The following NUDT2 variants were observed in gnomAD, a reference collection of about 807,000 sequenced individuals.
NUDT2 encodes bis(5'-nucleosyl)-tetraphosphatase [asymmetrical].
Under a neutral mutation model 14.2 loss-of-function variants are expected in NUDT2, and 12 were observed. That is an observed-to-expected ratio of 0.84 (90% CI 0.54 to 1.37). NUDT2 has a LOEUF of 1.37. Ranked by LOEUF, NUDT2 falls within the 40% of genes most tolerant of loss-of-function variation. NUDT2 has a pLI of 0.00. For missense variants in NUDT2, 167 were observed against 176.7 expected (o/e 0.95, Z 0.31); for synonymous variants, 67 against 67.4 (o/e 0.99, Z 0.03).
chr9:34,329,894 T>G (rs981821510), intron 1 of NUDT2, among the ~76,000 whole-genome samples: 1 of 152,210 alleles, frequency 6.6e-6, no homozygotes, highest in Non-Finnish European at 1.5e-5. Context: ...AGGTCCAGGT[T>G]TAGGGCCCAG....
intron 4 of NUDT2, among the ~76,000 whole-genome samples, chr9:34,341,643 G>A (rs1820189980): frequency 6.6e-6 from 1 of 152,164 alleles, no homozygotes; most frequent in African/African-American, 2.4e-5. Flanking sequence ...CCGAGTAGCT[G>A]GGATTACAGA....
intron 2 of NUDT2, among the ~76,000 whole-genome samples, chr9:34,337,374 T>C (rs1838118420): frequency 6.6e-6 from 1 of 152,228 alleles, no homozygotes; most frequent in Non-Finnish European, 1.5e-5. Context: ...TCTTAGGGAA[T>C]GTGCATTTTA....
At chr9:34,337,769 C>T (rs10124847) in intron 2 of NUDT2, among the ~76,000 whole-genome samples, 3,512 of 152,222 alleles carry the variant, frequency 0.023, 145 homozygotes, top group African/African-American at 0.08. Context: ...GTGCAACCCC[C>T]GGGCACCAGC....
intron 1 of NUDT2, among the ~76,000 whole-genome samples, chr9:34,334,414 G>C (rs1326636088): frequency 2.6e-5 from 4 of 152,138 alleles, no homozygotes; most frequent in Non-Finnish European, 5.9e-5. Flanking sequence ...CTGGCTGCAG[G>C]CATATTTGCA....
chr9:34,340,351 C>A (rs1838200869), intron 4 of NUDT2, among the ~76,000 whole-genome samples: 1 of 151,900 alleles, frequency 6.6e-6, no homozygotes, highest in Non-Finnish European at 1.5e-5. Flanking sequence ...GATTCATCTG[C>A]AGATTGTGGC....
At chr9:34,339,398 T>C (rs1838179525) in intron 4 of NUDT2, among the ~76,000 whole-genome samples, 1 of 152,112 alleles carries the variant, frequency 6.6e-6, no homozygotes, top group South Asian at 2.1e-4. Flanking sequence ...TTTTTATGAG[T>C]ATCATTCGCC....
chr9:34,343,187 G>A lies in NUDT2; in HGVS notation c.191G>A (p.Gly64Asp). The change falls in exon 5 of 5, where the codon GGC becomes GAC. Residue 64 changes from glycine (G) to aspartate (D), a missense_variant. Gly to Asp is a moderately conservative substitution (Grantham distance 94). Coordinates refer to ENST00000379158, the MANE Select transcript of NUDT2 (RefSeq NM_001161.5). ...CTGAGGGAGACCCAAGAGGAAGCAG[G>A]CATAGAAGCAGGCCAGCTGACCATT... is the stretch of plus-strand genomic sequence containing the variant. ...TALRETQEEA[G>D]IEAGQLTIIE... 1.9e-6 allele frequency: 3 copies of A among 1,614,098 alleles called. No homozygotes were observed. The highest frequency in any genetic ancestry group is 2.5e-6 in the Non-Finnish European group (3 of 1,180,022).
chr9:34,336,458 A>G (rs927946091), intron 2 of NUDT2, 117 bp downstream of exon 2: 2 of 152,222 alleles, frequency 1.3e-5, no homozygotes, highest in Non-Finnish European at 2.9e-5. Context: ...ATTTCATTAT[A>G]CATGCTATTC....
At chr9:34,339,310 A>G (rs1055239007) in intron 4 of NUDT2, 144 bp downstream of exon 4, 2 of 939,936 alleles carry the variant, frequency 2.1e-6, no homozygotes, top group African/African-American at 1.6e-5. Flanking sequence ...CCCTTTCTAC[A>G]TACAAGGTCT....
chr9:34,336,518 A>C (rs893992042), intron 2 of NUDT2, among the ~76,000 whole-genome samples, 177 bp downstream of exon 2: 5 of 152,282 alleles, frequency 3.3e-5, no homozygotes, highest in African/African-American at 9.6e-5. Context: ...CAAGCAGTAC[A>C]TTAGGCTTGA....
chr9:34,339,289 G>C, intron 4 of NUDT2, 123 bp downstream of exon 4: 1 of 1,221,746 alleles, frequency 8.2e-7, no homozygotes, highest in South Asian at 1.4e-5. Flanking sequence ...AGGGAAGGTA[G>C]GAGCTCTTGA....
At chr9:34,336,836 A>G (rs1313293428) in intron 2 of NUDT2, among the ~76,000 whole-genome samples, 1 of 151,208 alleles carries the variant, frequency 6.6e-6, no homozygotes, top group African/African-American at 2.4e-5. Flanking sequence ...GAGCCACTGA[A>G]CCCAGCCTCG....
At chr9:34,338,017 T>C (rs1838134142) in intron 2 of NUDT2, among the ~76,000 whole-genome samples, 1 of 151,488 alleles carries the variant, frequency 6.6e-6, no homozygotes, top group African/African-American at 2.4e-5. Flanking sequence ...CTAATTTTTG[T>C]ATTTTTAGTA....
At chr9:34,337,833 G>C (rs929272792) in intron 2 of NUDT2, among the ~76,000 whole-genome samples, 1 of 152,044 alleles carries the variant, frequency 6.6e-6, no homozygotes, top group Non-Finnish European at 1.5e-5. Context: ...AGGAGGCTAA[G>C]GGGGGAGGAC....
chr9:34,337,509 A>G (rs1319608600), intron 2 of NUDT2, among the ~76,000 whole-genome samples: 1 of 152,130 alleles, frequency 6.6e-6, no homozygotes, highest in African/African-American at 2.4e-5. Context: ...AGTCCTTAAA[A>G]ACTTTTGTTA....
chr9:34,334,797 T>C (rs2131855249), intron 1 of NUDT2, among the ~76,000 whole-genome samples: 1 of 152,304 alleles, frequency 6.6e-6, no homozygotes, highest in South Asian at 2.1e-4. Flanking sequence ...GTGCTTGTGG[T>C]GGCATTGTAC....
chr9:34,339,670 A>G (rs927242034), intron 4 of NUDT2, among the ~76,000 whole-genome samples: 3 of 152,074 alleles, frequency 2.0e-5, no homozygotes, highest in Non-Finnish European at 2.9e-5. Context: ...TGGCAAAACC[A>G]TGTCTCTACA....
Position 34,343,495 on chromosome 9 carries a change from T to C in NUDT2, c.*55T>C. On this transcript the variant is annotated 3_prime_UTR_variant, in exon 5 of 5. Coordinates refer to ENST00000379158, the MANE Select transcript of NUDT2 (RefSeq NM_001161.5). ...CAGGATCCTTGTGGGCCTTCTAAGA[T>C]GAAGCCACCCTCAGGTCCAGGGAAG... is the stretch of plus-strand genomic sequence containing the variant. The C allele has an allele frequency of 6.9e-7, 1 of 1,443,530 alleles. No individual in the cohort carries two copies. Among genetic ancestry groups the C allele is most frequent in the Admixed American group, 2.4e-5 (1 of 41,744 alleles). 89.4% of individuals were successfully genotyped at this position (1,443,530 alleles called of 1,614,324 possible).
rs548121502 is a variant in NUDT2 at position 34,340,339 on chromosome 9, T to C, written c.127+1173T>C. ...ATAGAGAAGTTGGGCTCCCTGATCATAGATTCATCTGCAGATTGTGGCAGG... is the reference window on the plus strand; with the variant it reads ...ATAGAGAAGTTGGGCTCCCTGATCACAGATTCATCTGCAGATTGTGGCAGG... On this transcript the variant is annotated intron_variant, in intron 4 of 4. Coordinates refer to ENST00000379158, the MANE Select transcript of NUDT2 (RefSeq NM_001161.5). Among the ~76,000 whole-genome samples the C allele has an allele frequency of 2.6e-5, 4 of 152,050 alleles. No individual in the cohort carries two copies. In the South Asian group the frequency reaches 8.3e-4, roughly 32 times the overall value.
Sources: allele counts gnomAD v4.1 joint callset (sites outside exome capture counted in the v4.1 genomes callset), GRCh38; gene constraint gnomAD v4.1.1; transcripts MANE v1.5; gene names NCBI Gene and HGNC (gene_info 2026-07-23, HGNC 2026-07-21).